Variants in ZNF565 observed in about 807,000 individuals in gnomAD.
The protein encoded by ZNF565 is zinc finger protein 565.
ZNF565 carries 27 observed loss-of-function variants against 39.4 expected under a neutral mutation model. The ratio of observed to expected loss-of-function variants is 0.69; its 90% confidence interval spans 0.51 to 0.95. The LOEUF (loss-of-function observed/expected upper bound fraction) is 0.95. ZNF565 is among the 40% of genes least tolerant of loss of function. The pLI is 0.00. For missense variants in ZNF565, 524 were observed against 621.1 expected, an observed-to-expected ratio of 0.84 and a Z score of 1.66; for synonymous variants, 185 against 216.6, an observed-to-expected ratio of 0.85 and a Z score of 1.28.
upstream of ZNF565, among the ~76,000 whole-genome samples, chr19:36,215,888 T>G (rs960939322): frequency 2.6e-5 from 4 of 152,176 alleles, no homozygotes. Flanking sequence ...TGAAGAAAGC[T>G]TAATTGTTGC....
chr19:36,185,080 T>C (rs536502959), intron 4 of ZNF565, among the ~76,000 whole-genome samples: 9 of 151,258 alleles, frequency 6.0e-5, no homozygotes, highest in African/African-American at 2.2e-4. Flanking sequence ...ATGGCACTAC[T>C]GCACTCCAGC....
At chr19:36,211,708 G>T (rs944444341) in intron 1 of ZNF565, among the ~76,000 whole-genome samples, 2 of 151,896 alleles carry the variant, frequency 1.3e-5, no homozygotes, top group Non-Finnish European at 1.5e-5. Flanking sequence ...CAGGAGAATC[G>T]CATGAACCAG....
intron 4 of ZNF565, among the ~76,000 whole-genome samples, chr19:36,185,922 G>C (rs1423533720): frequency 2.6e-5 from 4 of 151,490 alleles, no homozygotes; most frequent in Non-Finnish European, 4.4e-5. Context: ...TCAAACTCCT[G>C]ACCTCAGGTA....
At chr19:36,200,558 G>A (rs905129018) in intron 2 of ZNF565, among the ~76,000 whole-genome samples, 1 of 141,384 alleles carries the variant, frequency 7.1e-6, no homozygotes, top group East Asian at 2.2e-4. Flanking sequence ...GCGTAATCTC[G>A]GCTCACTGCA....
At chr19:36,234,801 T>C (rs573977253) in intron 1 of ZNF565, among the ~76,000 whole-genome samples, 1 of 152,292 alleles carries the variant, frequency 6.6e-6, no homozygotes, top group East Asian at 1.9e-4. Context: ...TGTCATCTCA[T>C]TTGCTGAATG....
chr19:36,194,205 T>G, intron 4 of ZNF565, 28 bp downstream of exon 4: 2 of 1,583,224 alleles, frequency 1.3e-6, no homozygotes, highest in Non-Finnish European at 1.7e-6. Flanking sequence ...CCAGGGACCT[T>G]CCCCTGTCGA....
At chr19:36,191,835 C>G (rs975626827) in intron 4 of ZNF565, among the ~76,000 whole-genome samples, 7 of 152,070 alleles carry the variant, frequency 4.6e-5, no homozygotes, top group Non-Finnish European at 8.8e-5. Flanking sequence ...CTGGTGCAGA[C>G]AAGGTCCAGT....
chr19:36,237,648 G>C (rs1490324347), intron 1 of ZNF565: 3 of 211,182 alleles, frequency 1.4e-5, no homozygotes, highest in African/African-American at 7.1e-5. Context: ...GAAAAATTAA[G>C]TTGTAAATAT....
upstream of ZNF565, among the ~76,000 whole-genome samples, chr19:36,215,635 G>A (rs1317618522): frequency 6.6e-6 from 1 of 151,990 alleles, no homozygotes; most frequent in Non-Finnish European, 1.5e-5. Context: ...CTTTTTAATT[G>A]GAGTGGCATG....
At chr19:36,204,481 A>C (rs944210047) in intron 1 of ZNF565, among the ~76,000 whole-genome samples, 1 of 152,212 alleles carries the variant, frequency 6.6e-6, no homozygotes, top group Non-Finnish European at 1.5e-5. Context: ...AAAGGTCTAG[A>C]CCAGTGCTGT....
At chr19:36,195,299 A>T in intron 2 of ZNF565, 143 bp from the exon 3 acceptor site, 1 of 978,650 alleles carries the variant, frequency 1.0e-6, no homozygotes, top group Non-Finnish European at 1.5e-6. Flanking sequence ...ACAGTTAACA[A>T]GGTGTACCCT....
chr19:36,241,438 C>G (rs926466368), intron 1 of ZNF565, among the ~76,000 whole-genome samples: 1 of 135,128 alleles, frequency 7.4e-6, no homozygotes, highest in African/African-American at 2.8e-5. Context: ...GAGCCGAGAT[C>G]GTGCCGTTGA....
upstream of ZNF565, among the ~76,000 whole-genome samples, chr19:36,218,523 T>A (rs1976706810): frequency 6.6e-6 from 1 of 151,966 alleles, no homozygotes; most frequent in South Asian, 2.1e-4. Flanking sequence ...TGCAGTGCAG[T>A]GGCCTGATCT....
chr19:36,200,425 A>C (rs1975915149), intron 2 of ZNF565, among the ~76,000 whole-genome samples: 1 of 152,148 alleles, frequency 6.6e-6, no homozygotes, highest in Admixed American at 6.6e-5. Context: ...AAAATCAAAA[A>C]ATTTAGTGGC....
At chr19:36,207,820 A>T (rs550402974) in intron 1 of ZNF565, among the ~76,000 whole-genome samples, 32 of 152,316 alleles carry the variant, frequency 2.1e-4, no homozygotes, top group African/African-American at 7.0e-4. Context: ...TTTTCTCTTC[A>T]TGCATGTGGT....
chr19:36,217,055 CTTTTTT>C (rs752632008), upstream of ZNF565, among the ~76,000 whole-genome samples: 4 of 65,862 alleles, frequency 6.1e-5, no homozygotes, highest in East Asian at 5.5e-4. Flanking sequence ...CAGTCCCTGT[CTTTTTT>C]TTTTTTTTTT....
At chr19:36,235,296 A>G (rs10414444) in intron 1 of ZNF565, among the ~76,000 whole-genome samples, 6,189 of 151,540 alleles carry the variant, frequency 0.041, 397 homozygotes, top group African/African-American at 0.14. Context: ...TTTTTCTTCT[A>G]TTTGGCAATT....
intron 1 of ZNF565, among the ~76,000 whole-genome samples, chr19:36,221,924 T>C (rs1022272677): frequency 1.6e-5 from 2 of 125,106 alleles, no homozygotes; most frequent in Admixed American, 8.8e-5. Context: ...TCCTTTTTTC[T>C]TTCTTTTTTT....
intron 1 of ZNF565, among the ~76,000 whole-genome samples, chr19:36,241,870 CAA>C (rs200924416): frequency 0.017 from 2,450 of 146,488 alleles, 78 homozygotes; most frequent in African/African-American, 0.06. Flanking sequence ...AAACTTAACT[CAA>C]AAGTGTCCAA....
Sources: gnomAD v4.1 joint callset for allele counts (sites outside exome capture counted in the v4.1 genomes callset) on GRCh38, gnomAD v4.1.1 for gene constraint, MANE v1.5 for transcripts, NCBI Gene and HGNC (gene_info 2026-07-23, HGNC 2026-07-21) for gene names.